The following SPAG16 variants were observed in gnomAD, a reference collection of about 807,000 sequenced individuals.
SPAG16 encodes sperm associated antigen 16, also known as sperm-associated antigen 16 protein.
In SPAG16, 86 loss-of-function variants were observed where a neutral mutation model predicts 80.4. The ratio of observed to expected loss-of-function variants is 1.07; its 90% CI spans 0.90 to 1.28. SPAG16 has a LOEUF of 1.28. Among genes scored for constraint, SPAG16 ranks in the 50% most tolerant of loss-of-function variants. The probability of loss-of-function intolerance (pLI) is 0.00; values close to 1 mark genes in which losing one functional copy is unlikely to be tolerated. For synonymous variants in SPAG16, 294 were observed against 265.9 expected (o/e 1.11, Z -1.03); for missense variants, 870 against 765.3 (o/e 1.14, Z -1.61).
intron 10 of SPAG16, among the ~76,000 whole-genome samples, chr2:213,676,432 G>A (rs1175189483): frequency 4.0e-5 from 6 of 148,690 alleles, no homozygotes; most frequent in Admixed American, 6.7e-5. Context: ...GAATAGGAGC[G>A]GTGAGAGAGG....
At chr2:214,379,284 G>A (rs1700314209) in intron 15 of SPAG16, among the ~76,000 whole-genome samples, 1 of 152,104 alleles carries the variant, frequency 6.6e-6, no homozygotes, top group African/African-American at 2.4e-5. Flanking sequence ...GAGACAGATG[G>A]GAAATTATTT....
At chr2:214,319,331 G>C (rs1258050008) in intron 15 of SPAG16, among the ~76,000 whole-genome samples, 1 of 152,068 alleles carries the variant, frequency 6.6e-6, no homozygotes, top group Admixed American at 6.6e-5. Context: ...AAGAGACGCA[G>C]AGAGGAGGTA....
intron 10 of SPAG16, among the ~76,000 whole-genome samples, chr2:213,635,306 A>T (rs1401305604): frequency 6.6e-6 from 1 of 152,076 alleles, no homozygotes; most frequent in African/African-American, 2.4e-5. Context: ...AAGTGCTCGG[A>T]TTACAGGCGT....
chr2:213,544,656 C>A lies in SPAG16; in HGVS notation c.1070+54566C>A, dbSNP rs76369504. 8.5e-3 allele frequency among the ~76,000 whole-genome samples: 1,290 copies of A among 152,104 alleles called. 14 individuals carry two copies. Among genetic ancestry groups the A allele is most frequent in the Middle Eastern group, 0.027 (8 of 294 alleles). ...AGGGTACTTTCACTGCATTAAAATT[C>A]TTCTGTGCTCTACCTATTCATATCG... On this transcript the variant is annotated intron_variant, in intron 10 of 15. Transcript: ENST00000331683.
chr2:214,322,589 A>G (rs1696178380), intron 15 of SPAG16, among the ~76,000 whole-genome samples: 5 of 152,054 alleles, frequency 3.3e-5, no homozygotes, highest in Admixed American at 3.3e-4. Flanking sequence ...TAGAATTTAT[A>G]TAAAGTTGGG....
chr2:214,277,720 A>G (rs1692578377), intron 15 of SPAG16, among the ~76,000 whole-genome samples: 1 of 152,224 alleles, frequency 6.6e-6, no homozygotes, highest in Non-Finnish European at 1.5e-5. Flanking sequence ...GGTGTCAATC[A>G]GCCCCTACTG....
At chr2:213,693,159 C>T (rs2065015877) in intron 10 of SPAG16, among the ~76,000 whole-genome samples, 2 of 152,212 alleles carry the variant, frequency 1.3e-5, no homozygotes, top group South Asian at 4.1e-4. Context: ...TTTGACTCCT[C>T]CTGAACTTGA....
chr2:214,126,757 A>G (rs1299551077), intron 14 of SPAG16, among the ~76,000 whole-genome samples: 3 of 151,836 alleles, frequency 2.0e-5, no homozygotes, highest in African/African-American at 7.2e-5. Flanking sequence ...ACATCATGTA[A>G]TATCTTCTGC....
chr2:213,354,722 C>G (rs945542625), intron 7 of SPAG16, among the ~76,000 whole-genome samples: 2 of 151,030 alleles, frequency 1.3e-5, no homozygotes, highest in African/African-American at 4.9e-5. Flanking sequence ...TTGTTTTTTT[C>G]TTGTAAATTT....
intron 13 of SPAG16, among the ~76,000 whole-genome samples, chr2:214,100,759 A>G (rs2052959759): frequency 6.6e-6 from 1 of 152,142 alleles, no homozygotes; most frequent in South Asian, 2.1e-4. Flanking sequence ...CATGGTGTAT[A>G]TGTAGCACTT....
chr2:214,313,169 T>C (rs1418301871), intron 15 of SPAG16, among the ~76,000 whole-genome samples: 1 of 152,056 alleles, frequency 6.6e-6, no homozygotes, highest in Non-Finnish European at 1.5e-5. Flanking sequence ...TTTAGTGAAA[T>C]TGAAATTATT....
chr2:213,388,567 A>T (rs974435260), intron 9 of SPAG16, among the ~76,000 whole-genome samples: 13 of 152,162 alleles, frequency 8.5e-5, no homozygotes, highest in South Asian at 2.1e-4. Flanking sequence ...ATAACAATAA[A>T]TTTTTTTAAA....
At chr2:213,899,245 G>T (rs1442638600) in intron 11 of SPAG16, among the ~76,000 whole-genome samples, 2 of 152,082 alleles carry the variant, frequency 1.3e-5, no homozygotes, top group Non-Finnish European at 2.9e-5. Context: ...GAGTGTCTTT[G>T]TAGGACATGA....
At chr2:213,925,707 T>C (rs2078439668) in intron 11 of SPAG16, among the ~76,000 whole-genome samples, 1 of 152,192 alleles carries the variant, frequency 6.6e-6, no homozygotes, top group Admixed American at 6.5e-5. Context: ...TATTTTCTAT[T>C]AGCTCTTTGA....
At chr2:214,222,486 A>C (rs114522107) in intron 15 of SPAG16, among the ~76,000 whole-genome samples, 1 of 151,748 alleles carries the variant, frequency 6.6e-6, no homozygotes, top group African/African-American at 2.4e-5. Flanking sequence ...ACCTACACAA[A>C]CTCTTGTTAA....
intron 9 of SPAG16, among the ~76,000 whole-genome samples, chr2:213,427,810 T>A (rs1382667959): frequency 6.6e-6 from 1 of 152,248 alleles, no homozygotes; most frequent in Non-Finnish European, 1.5e-5. Flanking sequence ...TCTTATCTGC[T>A]TTATAATGAC....
chr2:213,500,186 A>C (rs1180153487), intron 10 of SPAG16, among the ~76,000 whole-genome samples: 1 of 152,224 alleles, frequency 6.6e-6, no homozygotes, highest in Non-Finnish European at 1.5e-5. Context: ...GGGGAAACTC[A>C]GTAACAAATA....
chr2:213,883,601 C>G (rs1002530109), intron 11 of SPAG16, among the ~76,000 whole-genome samples: 1 of 152,136 alleles, frequency 6.6e-6, no homozygotes, highest in African/African-American at 2.4e-5. Flanking sequence ...CTAATGCAGT[C>G]AGTACAGTTT....
At chr2:213,702,268 C>A (rs111429779) in intron 10 of SPAG16, among the ~76,000 whole-genome samples, 5,478 of 152,226 alleles carry the variant, frequency 0.036, 335 homozygotes, top group African/African-American at 0.12. Flanking sequence ...GTGGGTGGGG[C>A]CAGATAAGGG....
Sources: allele counts gnomAD v4.1 joint callset (sites outside exome capture counted in the v4.1 genomes callset), GRCh38; gene constraint gnomAD v4.1.1; transcripts MANE v1.5; gene names NCBI Gene and HGNC (gene_info 2026-07-23, HGNC 2026-07-21).